TFCP2: variants seen among roughly 807,000 people sequenced by gnomAD.
TFCP2 encodes the protein transcription factor CP2, also known as alpha-globin transcription factor CP2.
In TFCP2, 33 loss-of-function variants were observed where a neutral mutation model predicts 73.4. That is an observed-to-expected ratio of 0.45 (90% CI 0.34 to 0.60). The LOEUF is 0.60. TFCP2 is among the 20% of genes least tolerant of loss of function. TFCP2 has a pLI of 0.01. For synonymous variants in TFCP2, 193 were observed against 211.6 expected (o/e 0.91, Z 0.76); for missense variants, 352 against 604.0 (o/e 0.58, Z 4.37).
chr12:51,160,439 ATTTT>A (rs577576780), intron 1 of TFCP2, among the ~76,000 whole-genome samples: 1 of 146,574 alleles, frequency 6.8e-6, no homozygotes, highest in Non-Finnish European at 1.5e-5. Context: ...CCAGCTGTGA[ATTTT>A]TTTTTTTTTA....
intron 1 of TFCP2, among the ~76,000 whole-genome samples, chr12:51,149,663 G>A (rs909533704): frequency 1.1e-4 from 17 of 152,036 alleles, no homozygotes; most frequent in Non-Finnish European, 1.9e-4. Flanking sequence ...GCAGTGGCAC[G>A]ATCTTTGCTC....
At position 51,094,686 on chromosome 12, in the gene TFCP2, C is replaced by T. The variant is rs1247107624; in HGVS notation, c.*555G>A. 1 of 152,586 alleles carries T rather than the reference C, an allele frequency of 6.6e-6. No individual in the cohort carries two copies. The highest frequency in any genetic ancestry group is 1.9e-4 in the East Asian group (1 of 5,212). The allele number at this position is 152,586 out of a possible 1,614,324, so 9.5% of individuals were successfully genotyped here. On this transcript the variant is annotated 3_prime_UTR_variant, in exon 15 of 15. Transcript: ENST00000257915. ...ACACTGCCTGGTCAATAAATGTTAG[C>T]TGAAAATACTATTAGTTGTGGTATT... is the stretch of plus-strand genomic sequence containing the variant.
intron 8 of TFCP2, among the ~76,000 whole-genome samples, chr12:51,106,295 GA>G (rs1282520638): frequency 2.0e-5 from 3 of 151,932 alleles, no homozygotes; most frequent in Non-Finnish European, 2.9e-5. Context: ...CTAGTGGGGG[GA>G]AAAAAGACGA....
rs145108425 is a variant in TFCP2 at position 51,111,603 on chromosome 12, C to T, written c.458-620G>A. ...AGGCACGGTGGCTCACACCTGTAAT[C>T]CCAGCACTTTGGGAGCCCAAGGCAG... On this transcript the variant is annotated intron_variant, in intron 4 of 14. Transcript: ENST00000257915. Among the ~76,000 whole-genome samples the T allele has an allele frequency of 1.6e-3, 244 of 152,240 alleles. 1 individual carries two copies. Among genetic ancestry groups the T allele is most frequent in the Non-Finnish European group, 2.3e-3 (157 of 68,016 alleles).
intron 1 of TFCP2, among the ~76,000 whole-genome samples, chr12:51,143,847 CA>C (rs1941237191): frequency 6.6e-6 from 1 of 151,956 alleles, no homozygotes; most frequent in African/African-American, 2.4e-5. Flanking sequence ...GACCCAGCAA[CA>C]AAAGTACAGA....
At chr12:51,120,863 T>C (rs1940648367) in intron 1 of TFCP2, among the ~76,000 whole-genome samples, 2 of 147,384 alleles carry the variant, frequency 1.4e-5, no homozygotes, top group South Asian at 2.1e-4. Context: ...TGAGCCGAGA[T>C]TGTGCCACTG....
chr12:51,107,191 T>C, intron 7 of TFCP2, 45 bp downstream of exon 7: 1 of 1,497,590 alleles, frequency 6.7e-7, no homozygotes, highest in Non-Finnish European at 9.1e-7. Context: ...ATTTTTAAGA[T>C]TAAAAATTAT....
chr12:51,107,676 G>A (rs148900187), intron 6 of TFCP2, among the ~76,000 whole-genome samples: 3 of 151,836 alleles, frequency 2.0e-5, no homozygotes, highest in Non-Finnish European at 2.9e-5. Context: ...GCGAGATCTT[G>A]GCTCACTGCA....
In TFCP2 at chr12:51,099,779, C is replaced by G; in HGVS notation, c.1152G>C (p.Arg384=). The change falls in exon 12 of 15, where the codon CGG becomes CGC. Residue 384 remains arginine, a splice_region_variant and synonymous_variant. Transcript: ENST00000257915. The part of the protein sequence containing the change: ...GIRLFNALKG[R]MVRPRLTIYV... Reference sequence around the variant, plus strand: ...AAATGGTTAACCTTGGACGCACCATCCTAAGGGGAGGAAAAAGGCTAATTA... The same window carrying G: ...AAATGGTTAACCTTGGACGCACCATGCTAAGGGGAGGAAAAAGGCTAATTA... 15 of 1,613,518 alleles carry G rather than the reference C, an allele frequency of 9.3e-6. No individual in the cohort carries two copies. The highest frequency in any genetic ancestry group is 1.3e-5 in the Non-Finnish European group (15 of 1,179,610).
intron 1 of TFCP2, among the ~76,000 whole-genome samples, chr12:51,149,507 A>C (rs1941376136): frequency 6.6e-6 from 1 of 152,256 alleles, no homozygotes; most frequent in South Asian, 2.1e-4. Context: ...GTAGGAAAGC[A>C]AAGAAAATTT....
At chr12:51,101,029 T>C (rs745476536) in intron 11 of TFCP2, among the ~76,000 whole-genome samples, 88 of 152,164 alleles carry the variant, frequency 5.8e-4, no homozygotes, top group Admixed American at 9.8e-4. Flanking sequence ...ATTTGCCGGG[T>C]GCGGTGGCTC....
intron 10 of TFCP2, among the ~76,000 whole-genome samples, chr12:51,102,583 GGGTGTGGT>G (rs1290588312): frequency 1.3e-5 from 2 of 151,884 alleles, no homozygotes; most frequent in African/African-American, 2.4e-5. Flanking sequence ...AAAATTAGTC[GGGTGTGGT>G]GGTGGGTGCC....
chr12:51,134,339 C>T (rs767888589), intron 1 of TFCP2, among the ~76,000 whole-genome samples: 1 of 152,032 alleles, frequency 6.6e-6, no homozygotes, highest in Non-Finnish European at 1.5e-5. Flanking sequence ...GGCTGGAGTC[C>T]GGTGGTGCAA....
In TFCP2 at chr12:51,172,591, T is replaced by C; in HGVS notation, c.-169A>G. ...CCAGCACTGCTCTGTGCACAACTAA[T>C]CTCCCGTACCCTTGGCTGCTCGTTC... On this transcript the variant is annotated 5_prime_UTR_variant, in exon 1 of 15. Coordinates refer to ENST00000257915, the MANE Select transcript of TFCP2 (RefSeq NM_005653.5). 1.2e-6 allele frequency: 1 copy of C among 809,668 alleles called. No individual in the cohort carries two copies. The highest frequency in any genetic ancestry group is 1.8e-5 in the South Asian group (1 of 56,016). The allele number at this position is 809,668 out of a possible 1,614,324, so 50.2% of individuals were successfully genotyped here.
At chr12:51,164,320 C>T (rs1300943383) in intron 1 of TFCP2, among the ~76,000 whole-genome samples, 1 of 151,902 alleles carries the variant, frequency 6.6e-6, no homozygotes, top group Non-Finnish European at 1.5e-5. Context: ...AACTCTTGGC[C>T]GGGTATGGTG....
intron 1 of TFCP2, among the ~76,000 whole-genome samples, chr12:51,131,304 C>A (rs1940939618): frequency 7.0e-6 from 1 of 142,096 alleles, no homozygotes; most frequent in Non-Finnish European, 1.5e-5. Flanking sequence ...CACTGCACCC[C>A]AGCCTGGGTG....
chr12:51,127,982 C>A (rs552578170), intron 1 of TFCP2, among the ~76,000 whole-genome samples: 1 of 150,752 alleles, frequency 6.6e-6, no homozygotes, highest in South Asian at 2.1e-4. Context: ...TGCAGTGGTG[C>A]GATCTCGGCT....
chr12:51,124,688 G>A (rs769123911), intron 1 of TFCP2: 48 of 647,938 alleles, frequency 7.4e-5, no homozygotes, highest in Admixed American at 4.9e-4. Context: ...CGTCCCCCGC[G>A]GTGGCCAGTG....
chr12:51,147,340 AG>A (rs558247914), intron 1 of TFCP2, among the ~76,000 whole-genome samples: 31 of 152,056 alleles, frequency 2.0e-4, no homozygotes, highest in African/African-American at 4.3e-4. Context: ...ATCTCAAAAA[AG>A]AAAGAAAGAA....
Sources: allele counts gnomAD v4.1 joint callset (sites outside exome capture counted in the v4.1 genomes callset), GRCh38; gene constraint gnomAD v4.1.1; transcripts MANE v1.5; gene names NCBI Gene and HGNC (gene_info 2026-07-23, HGNC 2026-07-21).